Variants in OPCML observed in about 807,000 individuals in gnomAD.
OPCML encodes opioid binding protein/cell adhesion molecule like, also known as opioid-binding protein/cell adhesion molecule.
Under a neutral mutation model 37.8 loss-of-function variants are expected in OPCML, and 13 were observed. The ratio of observed to expected loss-of-function variants is 0.34; its 90% CI spans 0.22 to 0.55. The LOEUF (loss-of-function observed/expected upper bound fraction) is 0.55. OPCML is among the 20% of genes least tolerant of loss of function. OPCML has a pLI of 0.91. For synonymous variants in OPCML, 176 were observed against 168.8 expected, an observed-to-expected ratio of 1.04 and a Z score of -0.33; for missense variants, 341 against 435.6, an observed-to-expected ratio of 0.78 and a Z score of 1.93.
chr11:133,431,323 A>C (rs1946110044), intron 1 of OPCML, among the ~76,000 whole-genome samples: 1 of 152,204 alleles, frequency 6.6e-6, no homozygotes, highest in African/African-American at 2.4e-5. Flanking sequence ...GTATTGTATG[A>C]ATCTCAATTT....
intron 2 of OPCML, among the ~76,000 whole-genome samples, chr11:132,749,212 A>G (rs1197414994): frequency 1.3e-5 from 2 of 152,210 alleles, no homozygotes; most frequent in African/African-American, 4.8e-5. Context: ...GCACCCTGAT[A>G]GTGGACTTCC....
chr11:133,387,959 C>T (rs781738906), intron 1 of OPCML, among the ~76,000 whole-genome samples: 6 of 152,124 alleles, frequency 3.9e-5, no homozygotes, highest in South Asian at 2.1e-4. Flanking sequence ...AGTGCAAAGA[C>T]ACTTAGGCAG....
chr11:133,413,723 G>A (rs1945701088), intron 1 of OPCML, among the ~76,000 whole-genome samples: 1 of 152,074 alleles, frequency 6.6e-6, no homozygotes, highest in Non-Finnish European at 1.5e-5. Flanking sequence ...GTCTTATCCA[G>A]GATGAAAGCT....
chr11:133,504,132 G>A (rs950787952), intron 1 of OPCML, among the ~76,000 whole-genome samples: 46 of 152,226 alleles, frequency 3.0e-4, no homozygotes, highest in African/African-American at 1.1e-3. Context: ...CCTAACCTCA[G>A]GGAAGTCACT....
At chr11:132,591,492 A>G (rs1301839591) in intron 3 of OPCML, among the ~76,000 whole-genome samples, 3 of 152,154 alleles carry the variant, frequency 2.0e-5, no homozygotes, top group Non-Finnish European at 4.4e-5. Context: ...TGATTCTCCA[A>G]GTTCTAAGAG....
intron 2 of OPCML, among the ~76,000 whole-genome samples, chr11:132,759,782 C>T (rs1422922226): frequency 2.0e-5 from 3 of 151,678 alleles, no homozygotes; most frequent in African/African-American, 4.8e-5. Context: ...AAGGGTTTTT[C>T]GTGTCTCTAT....
intron 4 of OPCML, among the ~76,000 whole-genome samples, chr11:132,480,818 C>G (rs1451781528): frequency 6.6e-6 from 1 of 151,926 alleles, no homozygotes; most frequent in African/African-American, 2.4e-5. Flanking sequence ...GAAGCAAATG[C>G]TGAGAGATTT....
intron 1 of OPCML, among the ~76,000 whole-genome samples, chr11:133,200,203 A>T (rs187711805): frequency 4.6e-5 from 7 of 152,284 alleles, no homozygotes; most frequent in African/African-American, 1.7e-4. Context: ...TGACTGCTGC[A>T]AACAAGACCT....
intron 2 of OPCML, among the ~76,000 whole-genome samples, chr11:132,702,383 T>TCACC (rs1943863364): frequency 6.6e-6 from 1 of 152,188 alleles, no homozygotes; most frequent in Non-Finnish European, 1.5e-5. Context: ...CCCCATTCTT[T>TCACC]CCTGGCTGCA....
intron 4 of OPCML, among the ~76,000 whole-genome samples, chr11:132,470,545 T>A (rs919206683): frequency 6.6e-6 from 1 of 152,208 alleles, no homozygotes; most frequent in Non-Finnish European, 1.5e-5. Flanking sequence ...ATTTGACACG[T>A]ATGTGAGCAT....
intron 2 of OPCML, among the ~76,000 whole-genome samples, chr11:132,697,905 C>T (rs1255626904): frequency 6.6e-6 from 1 of 151,718 alleles, no homozygotes; most frequent in Non-Finnish European, 1.5e-5. Flanking sequence ...TAGCAGGGGA[C>T]CACAGGCATG....
At chr11:133,478,043 G>A (rs532533401) in intron 1 of OPCML, among the ~76,000 whole-genome samples, 22 of 152,280 alleles carry the variant, frequency 1.4e-4, no homozygotes, top group African/African-American at 4.1e-4. Context: ...GCTGGCTTGC[G>A]ACTAATTAAG....
chr11:132,765,352 G>A (rs895652097), intron 2 of OPCML, among the ~76,000 whole-genome samples: 3 of 152,122 alleles, frequency 2.0e-5, no homozygotes, highest in Non-Finnish European at 2.9e-5. Flanking sequence ...TTTATTATCC[G>A]AAACATTCCC....
chr11:132,678,206 C>T (rs1272657722), intron 2 of OPCML, among the ~76,000 whole-genome samples: 2 of 152,036 alleles, frequency 1.3e-5, no homozygotes, highest in Non-Finnish European at 2.9e-5. Flanking sequence ...CCACTACACA[C>T]CTATTAACCT....
intron 1 of OPCML, among the ~76,000 whole-genome samples, chr11:133,138,681 T>A (rs1949727159): frequency 1.3e-5 from 2 of 152,210 alleles, no homozygotes; most frequent in African/African-American, 4.8e-5. Flanking sequence ...CTCCCACAGA[T>A]GAAGGGAACA....
intron 1 of OPCML, among the ~76,000 whole-genome samples, chr11:133,088,933 C>T (rs1948860932): frequency 6.6e-6 from 1 of 152,212 alleles, no homozygotes. Context: ...TATCAATCAT[C>T]TATCAGAGCA....
At chr11:132,650,799 C>T (rs1293279028) in intron 3 of OPCML, among the ~76,000 whole-genome samples, 2 of 152,160 alleles carry the variant, frequency 1.3e-5, no homozygotes, top group African/African-American at 4.8e-5. Flanking sequence ...GTTTTCCACT[C>T]TTCTATCCTG....
At chr11:132,548,878 A>G (rs1039741028) in intron 3 of OPCML, among the ~76,000 whole-genome samples, 8 of 152,204 alleles carry the variant, frequency 5.3e-5, no homozygotes, top group Admixed American at 6.5e-5. Context: ...TAACTGGAAT[A>G]CAGACATATT....
intron 1 of OPCML, chr11:133,024,917 A>AT (rs1317287829): frequency 1.0e-6 from 1 of 985,270 alleles, no homozygotes; most frequent in African/African-American, 1.7e-5. Flanking sequence ...CAGCATACAA[A>AT]TTTGCATATA....
Sources: allele counts gnomAD v4.1 joint callset (sites outside exome capture counted in the v4.1 genomes callset), GRCh38; gene constraint gnomAD v4.1.1; transcripts MANE v1.5; gene names NCBI Gene and HGNC (gene_info 2026-07-23, HGNC 2026-07-21).